KIAA1328: variants seen among roughly 807,000 people sequenced by gnomAD.
The protein encoded by KIAA1328 is protein hinderin.
Under a neutral mutation model 68.1 loss-of-function variants are expected in KIAA1328, and 52 were observed. The observed-to-expected ratio is 0.76, with a 90% CI of 0.61 to 0.96. The LOEUF (loss-of-function observed/expected upper bound fraction) is 0.96, where lower values mean the gene tolerates loss of function less well. Ranked by LOEUF, KIAA1328 falls within the 40% of genes least tolerant of loss-of-function variation. The pLI is 0.00. For missense variants in KIAA1328, 641 were observed against 677.6 expected, an observed-to-expected ratio of 0.95 and a Z score of 0.60; for synonymous variants, 232 against 239.4, an observed-to-expected ratio of 0.97 and a Z score of 0.28.
chr18:37,201,826 G>A (rs1048176250), intron 9 of KIAA1328, among the ~76,000 whole-genome samples: 1 of 152,130 alleles, frequency 6.6e-6, no homozygotes, highest in African/African-American at 2.4e-5. Context: ...CTTATCTCAA[G>A]GTCAGGAACC....
intron 9 of KIAA1328, among the ~76,000 whole-genome samples, chr18:37,186,094 C>CTTTTTTTTT (rs748423012): frequency 1.9e-4 from 17 of 90,434 alleles, no homozygotes; most frequent in Middle Eastern, 7.4e-3. Context: ...TCAAGGATGT[C>CTTTTTTTTT]TTTTTTTTTT....
chr18:36,938,209 T>C (rs1248490103), intron 5 of KIAA1328, among the ~76,000 whole-genome samples: 1 of 152,180 alleles, frequency 6.6e-6, no homozygotes. Context: ...TTAATTTACA[T>C]TCGCAAGAAC....
intron 9 of KIAA1328, among the ~76,000 whole-genome samples, chr18:37,209,694 G>A (rs1424901151): frequency 6.6e-6 from 1 of 152,018 alleles, no homozygotes; most frequent in Non-Finnish European, 1.5e-5. Flanking sequence ...GGTAAGAATT[G>A]AGAATAACAG....
At chr18:36,956,555 G>T (rs2051428592) in intron 5 of KIAA1328, among the ~76,000 whole-genome samples, 3 of 151,072 alleles carry the variant, frequency 2.0e-5, no homozygotes, top group South Asian at 4.2e-4. Context: ...GGGGGGGGGT[G>T]CATTTAGAAA....
At chr18:37,094,039 G>C (rs761736295) in intron 7 of KIAA1328, among the ~76,000 whole-genome samples, 15 of 152,172 alleles carry the variant, frequency 9.9e-5, no homozygotes, top group Non-Finnish European at 1.9e-4. Flanking sequence ...ACCAGGGTGT[G>C]GGGAGGATGG....
At chr18:37,036,743 A>G (rs979259334) in intron 6 of KIAA1328, among the ~76,000 whole-genome samples, 4 of 152,220 alleles carry the variant, frequency 2.6e-5, no homozygotes, top group Admixed American at 1.3e-4. Context: ...TGTTGTTTAC[A>G]TGCACACACA....
chr18:37,035,433 C>T (rs1003803580), intron 6 of KIAA1328, among the ~76,000 whole-genome samples: 1 of 152,122 alleles, frequency 6.6e-6, no homozygotes, highest in Non-Finnish European at 1.5e-5. Flanking sequence ...GTTTGAGAAC[C>T]TCTGTGCTAG....
intron 6 of KIAA1328, among the ~76,000 whole-genome samples, chr18:37,057,121 A>C (rs2055942229): frequency 6.6e-6 from 1 of 152,214 alleles, no homozygotes; most frequent in Non-Finnish European, 1.5e-5. Flanking sequence ...TTACATAGAA[A>C]AAAATGTAAA....
chr18:36,892,244 C>T (rs1429789792), intron 5 of KIAA1328, among the ~76,000 whole-genome samples: 1 of 152,000 alleles, frequency 6.6e-6, no homozygotes, highest in Non-Finnish European at 1.5e-5. Context: ...ATGTAAGTTT[C>T]AAGAGAAAAG....
intron 6 of KIAA1328, among the ~76,000 whole-genome samples, chr18:37,019,398 C>T (rs1452711158): frequency 6.6e-6 from 1 of 152,228 alleles, no homozygotes; most frequent in Non-Finnish European, 1.5e-5. Flanking sequence ...AGGCAATGAG[C>T]TGGTTCATGG....
chr18:37,157,802 C>T (rs2059185692), intron 7 of KIAA1328, among the ~76,000 whole-genome samples: 1 of 122,050 alleles, frequency 8.2e-6, no homozygotes, highest in Non-Finnish European at 1.7e-5. Flanking sequence ...AGTGAGACTC[C>T]TCTCCAAAAA....
chr18:37,156,328 A>T (rs2059150786), intron 7 of KIAA1328, among the ~76,000 whole-genome samples: 1 of 147,814 alleles, frequency 6.8e-6, no homozygotes, highest in Admixed American at 6.9e-5. Context: ...CGGGAGGCTG[A>T]GGCAGGAGAA....
chr18:37,051,117 C>T (rs911792123), intron 6 of KIAA1328, among the ~76,000 whole-genome samples: 8 of 151,962 alleles, frequency 5.3e-5, no homozygotes, highest in East Asian at 1.9e-4. Flanking sequence ...CATGATGTCT[C>T]GTCATTTTTA....
chr18:37,228,341 G>A (rs562331562), downstream of KIAA1328, among the ~76,000 whole-genome samples: 1 of 152,316 alleles, frequency 6.6e-6, no homozygotes, highest in East Asian at 1.9e-4. Flanking sequence ...TCTACAGTGG[G>A]TAAAATGCTA....
chr18:36,876,591 GTCTA>G (rs759610226), intron 4 of KIAA1328, among the ~76,000 whole-genome samples: 2 of 152,098 alleles, frequency 1.3e-5, no homozygotes, highest in Admixed American at 6.5e-5. Flanking sequence ...CTGGCTAGCA[GTCTA>G]TCTATTTTGT....
At chr18:36,856,206 A>G (rs1042649656) in intron 4 of KIAA1328, among the ~76,000 whole-genome samples, 2 of 152,044 alleles carry the variant, frequency 1.3e-5, no homozygotes, top group Admixed American at 1.3e-4. Context: ...TTTTGGATGT[A>G]TAGTCATGTC....
intron 6 of KIAA1328, among the ~76,000 whole-genome samples, chr18:36,995,372 G>A (rs1482684808): frequency 2.0e-5 from 3 of 152,094 alleles, no homozygotes; most frequent in African/African-American, 7.2e-5. Flanking sequence ...GGACATTTGG[G>A]TTGGCTCCAA....
At chr18:36,972,117 A>G (rs1037478129) in intron 6 of KIAA1328, among the ~76,000 whole-genome samples, 2 of 152,218 alleles carry the variant, frequency 1.3e-5, no homozygotes, top group African/African-American at 4.8e-5. Flanking sequence ...ATAAACCCTA[A>G]CAATGATGGT....
chr18:37,082,854 G>A (rs2056992763), intron 7 of KIAA1328, among the ~76,000 whole-genome samples: 1 of 152,118 alleles, frequency 6.6e-6, no homozygotes. Context: ...GAGCAAAGTA[G>A]TGTATGTATA....
Sources: allele counts gnomAD v4.1 joint callset (sites outside exome capture counted in the v4.1 genomes callset), GRCh38; gene constraint gnomAD v4.1.1; transcripts MANE v1.5; gene names NCBI Gene and HGNC (gene_info 2026-07-23, HGNC 2026-07-21).